SNX22: variants seen among roughly 807,000 people sequenced by gnomAD.
SNX22 encodes sorting nexin 22, also known as sorting nexin-22.
A neutral mutation model predicts 24.7 loss-of-function variants in SNX22; 23 were observed. The ratio of observed to expected loss-of-function variants is 0.93; its 90% CI spans 0.67 to 1.32. The LOEUF is 1.32. Ranked by LOEUF, SNX22 falls within the 40% of genes most tolerant of loss-of-function variation. The pLI, the probability that SNX22 is intolerant of heterozygous loss-of-function variation, is 0.00. For missense variants in SNX22, 261 were observed against 249.9 expected, an observed-to-expected ratio of 1.04 and a Z score of -0.30; for synonymous variants, 99 against 104.0, an observed-to-expected ratio of 0.95 and a Z score of 0.29.
rs1454726561 is a variant in SNX22, at chr15:64,156,712, T to G, written c.*2204T>G. 1 of 1,614,178 alleles carries G rather than the reference T, an allele frequency of 6.2e-7. No individual in the cohort carries two copies. The highest frequency in any genetic ancestry group is 1.7e-5 in the Admixed American group (1 of 60,026). On this transcript the variant is annotated 3_prime_UTR_variant, in exon 7 of 7. Coordinates refer to ENST00000325881, the MANE Select transcript of SNX22 (RefSeq NM_024798.3). This position sits in a 1 kb window ranked among gnomAD's most constrained non-coding sequence, Gnocchi z 6.4. ...AGGATTGCCCAGTAGTAGCCCTTGC[T>G]TCCACAACTCACCATGCCCTCTAGA...
Position 64,156,860 on chromosome 15 carries a change from C to T in SNX22, c.*2352C>T. On this transcript the variant is annotated 3_prime_UTR_variant, in exon 7 of 7. Coordinates refer to ENST00000325881, the MANE Select transcript of SNX22 (RefSeq NM_024798.3). This position sits in a 1 kb window ranked among gnomAD's most constrained non-coding sequence, Gnocchi z 6.4. ...TGCTCACCCAGCCAGGCCCGTAGTG[C>T]TTCAGTTTGAAGTTCTCATCGGGGA... 6.2e-7 allele frequency: 1 copy of T among 1,614,162 alleles called. No individual in the cohort carries two copies. The highest frequency in any genetic ancestry group is 8.5e-7 in the Non-Finnish European group (1 of 1,180,026).
At chr15:64,152,443 C>A in intron 2 of SNX22, 117 bp downstream of exon 2, 2 of 1,276,718 alleles carry the variant, frequency 1.6e-6, no homozygotes, top group South Asian at 1.4e-5. Flanking sequence ...CTGCCTCAGT[C>A]CCTGCGCAGC....
chr15:64,156,678 T>A lies in SNX22; in HGVS notation c.*2170T>A. On this transcript the variant is annotated 3_prime_UTR_variant, in exon 7 of 7. Coordinates refer to ENST00000325881, the MANE Select transcript of SNX22 (RefSeq NM_024798.3). The surrounding 1 kb of genome is among the most constrained non-coding windows in gnomAD (Gnocchi z 6.4). ...CTCCTGCCCTGGGGTCTGTGTTGAA[T>A]CCCCGGTGAGGATTGCCCAGTAGTA... is the stretch of plus-strand genomic sequence containing the variant. The A allele has an allele frequency of 6.2e-7, 1 of 1,609,214 alleles. No individual in the cohort carries two copies. The highest frequency in any genetic ancestry group is 8.5e-7 in the Non-Finnish European group (1 of 1,175,596).
rs558183552 is a variant in SNX22, at chr15:64,152,762, G to A, written c.264+20G>A. On this transcript the variant is annotated intron_variant, in intron 3 of 6. Coordinates refer to ENST00000325881, the MANE Select transcript of SNX22 (RefSeq NM_024798.3). Reference sequence around the variant, plus strand: ...ATCCAGGTATGCGAGAGCACAGTTGGTTGCCCCCCGGCCTTCTGTGCCAGG... The same window carrying A: ...ATCCAGGTATGCGAGAGCACAGTTGATTGCCCCCCGGCCTTCTGTGCCAGG... The A allele has an allele frequency of 2.5e-6, 4 of 1,610,360 alleles. No homozygotes were observed. The South Asian group carries it at 4.4e-5, about 18-fold the overall frequency.
In SNX22 at chr15:64,151,805, GC is replaced by G; in HGVS notation, c.33del (p.Glu12ArgfsTer82). 6.5e-7 allele frequency: 1 copy of G among 1,537,482 alleles called. No individual in the cohort carries two copies. Among genetic ancestry groups the G allele is most frequent in the Admixed American group, 2.0e-5 (1 of 50,356 alleles). On this transcript the variant is annotated frameshift_variant, in exon 1 of 7. Transcript: ENST00000325881. LOFTEE classifies it high-confidence loss of function. The stretch of plus-strand genomic sequence containing the variant: ...TGGAAGTTCACATCCCGTCGGTGGG[GC>G]CCGAGGCCGAGGGGCCCAGGCAGAG... MLEVHIPSVG[P>X]EAEGPRQSPE...
At position 64,156,628 on chromosome 15, in the gene SNX22, T is replaced by C. The variant is rs1241028637; in HGVS notation, c.*2120T>C. 4.7e-6 allele frequency: 7 copies of C among 1,480,682 alleles called. No individual in the cohort carries two copies. The highest frequency in any genetic ancestry group is 1.4e-5 in the African/African-American group (1 of 72,078). 91.7% of individuals were successfully genotyped at this position (1,480,682 alleles called of 1,614,324 possible). A position where few individuals can be genotyped will look rare whatever the true frequency, so the allele number is the denominator to read the frequency against. On this transcript the variant is annotated 3_prime_UTR_variant, in exon 7 of 7. Transcript: ENST00000325881. This position sits in a 1 kb window ranked among gnomAD's most constrained non-coding sequence, Gnocchi z 6.4. The stretch of plus-strand genomic sequence containing the variant: ...GGCTGCATCTGTGGGTTGGGTCCTT[T>C]TGGGAAAGGGATGGACACATGGAGC...
At chr15:64,153,457 C>A in intron 4 of SNX22, 118 bp downstream of exon 4, 1 of 1,545,198 alleles carries the variant, frequency 6.5e-7, no homozygotes, top group East Asian at 2.4e-5. Flanking sequence ...CCGCCCTCAC[C>A]AGCTCTCTTG....
At position 64,157,131 on chromosome 15, in the gene SNX22, G is replaced by A; in HGVS notation, c.*2623G>A. On this transcript the variant is annotated 3_prime_UTR_variant, in exon 7 of 7. Transcript: ENST00000325881. The surrounding 1 kb of genome is among the most constrained non-coding windows in gnomAD (Gnocchi z 4.2). ...TCAGGCCAGGCTGATGTGGTGAACA[G>A]CTCACAGAAGGATTACTTTGAGAAG... The A allele has an allele frequency of 3.4e-6, 2 of 592,268 alleles. No individual in the cohort carries two copies. The highest frequency in any genetic ancestry group is 2.1e-5 in the South Asian group (1 of 48,364). The allele number at this position is 592,268 out of a possible 1,614,324, so 36.7% of individuals were successfully genotyped here.
chr15:64,153,570 G>C (rs549299625), intron 4 of SNX22, 82 bp from the exon 5 acceptor site: 1 of 1,585,762 alleles, frequency 6.3e-7, no homozygotes, highest in Admixed American at 1.7e-5. Flanking sequence ...GGGAGGTGCA[G>C]TTCTGGGCTC....
chr15:64,154,350 A>T, intron 6 of SNX22, 37 bp from the exon 7 acceptor site: 1 of 1,611,746 alleles, frequency 6.2e-7, no homozygotes, highest in South Asian at 1.1e-5. Context: ...AAGGAGCTGC[A>T]GGTCTGAGGC....
chr15:64,156,681 C>T lies in SNX22; in HGVS notation c.*2173C>T, dbSNP rs1444855380. 6.2e-7 allele frequency: 1 copy of T among 1,608,682 alleles called. No homozygotes were observed. Among genetic ancestry groups the T allele is most frequent in the Non-Finnish European group, 8.5e-7 (1 of 1,175,092 alleles). On this transcript the variant is annotated 3_prime_UTR_variant, in exon 7 of 7. Transcript: ENST00000325881. This position sits in a 1 kb window ranked among gnomAD's most constrained non-coding sequence, Gnocchi z 6.4. Reference sequence around the variant, plus strand: ...CTGCCCTGGGGTCTGTGTTGAATCCCCGGTGAGGATTGCCCAGTAGTAGCC... The same window carrying T: ...CTGCCCTGGGGTCTGTGTTGAATCCTCGGTGAGGATTGCCCAGTAGTAGCC...
chr15:64,153,216 T>G (rs1283037332), intron 3 of SNX22, 29 bp from the exon 4 acceptor site: 1 of 1,613,360 alleles, frequency 6.2e-7, no homozygotes, highest in South Asian at 1.1e-5. Flanking sequence ...TAGCTGGGTC[T>G]GATTGCAGGT....
At position 64,155,869 on chromosome 15, in the gene SNX22, G is replaced by GTT. The variant is rs1255841968; in HGVS notation, c.*1363_*1364dup. 9 of 1,139,190 alleles carry GTT rather than the reference G, an allele frequency of 7.9e-6. No homozygotes were observed. The highest frequency in any genetic ancestry group is 7.7e-5 in the African/African-American group (5 of 65,236). 70.6% of individuals were successfully genotyped at this position (1,139,190 alleles called of 1,614,324 possible). On this transcript the variant is annotated 3_prime_UTR_variant, in exon 7 of 7. Coordinates refer to ENST00000325881, the MANE Select transcript of SNX22 (RefSeq NM_024798.3). ...TTTTTATTGGTCAGTGTTGGTAGGA[G>GTT]TTTGTTACAAAAGTGAGTCCATGGG... is the stretch of plus-strand genomic sequence containing the variant.
In SNX22 at chr15:64,153,981, T is replaced by C; in HGVS notation, c.439T>C (p.Tyr147His). The C allele has an allele frequency of 1.2e-6, 2 of 1,613,994 alleles. No homozygotes were observed. The highest frequency in any genetic ancestry group is 1.3e-5 in the African/African-American group (1 of 75,040). Residue 147 changes from tyrosine (Y) to histidine (H), a missense_variant, in exon 6 of 7, where the codon TAT becomes CAT. By Grantham distance (83) the Tyr-to-His change is moderately conservative (BLOSUM62 2). Transcript: ENST00000325881. Reference protein sequence around the residue: ...RPVLSFHVDPYVCNPSPESLP... With the variant: ...RPVLSFHVDPHVCNPSPESLP... ...TGTCCTGAGCTTCCATGTGGATCCC[T>C]ATGTTTGCAACCCCTCCCCAGGTGA...
chr15:64,156,014 C>T lies in SNX22; in HGVS notation c.*1506C>T. ...CAGACGGTCACTCAAAGAAAGATGTCCCTGTGCCCTACTCCTTGGCGATGG... is the reference window on the plus strand; with the variant it reads ...CAGACGGTCACTCAAAGAAAGATGTTCCTGTGCCCTACTCCTTGGCGATGG... On this transcript the variant is annotated 3_prime_UTR_variant, in exon 7 of 7. Coordinates refer to ENST00000325881, the MANE Select transcript of SNX22 (RefSeq NM_024798.3). The surrounding 1 kb of genome is among the most constrained non-coding windows in gnomAD (Gnocchi z 6.4). 1 of 1,614,176 alleles carries T rather than the reference C, an allele frequency of 6.2e-7. No individual in the cohort carries two copies. The highest frequency in any genetic ancestry group is 8.5e-7 in the Non-Finnish European group (1 of 1,180,028).
At position 64,152,276 on chromosome 15, in the gene SNX22, A is replaced by G. The variant is rs866081367; in HGVS notation, c.109A>G (p.Arg37Gly). Residue 37 changes from arginine (R) to glycine (G), a missense_variant, in exon 2 of 7, where the codon AGA becomes GGA. Arg to Gly is a moderately radical substitution (Grantham distance 125). Coordinates refer to ENST00000325881, the MANE Select transcript of SNX22 (RefSeq NM_024798.3). ...AGTGGAGGTGCTGTGCAGCGGGCGC[A>G]GACACACGGTGCCAAGGCGCTACAG... is the stretch of plus-strand genomic sequence containing the variant. ...FRVEVLCSGR[R>G]HTVPRRYSEF... 2.0e-6 allele frequency: 3 copies of G among 1,488,042 alleles called. No homozygotes were observed. Among genetic ancestry groups the G allele is most frequent in the Non-Finnish European group, 2.7e-6 (3 of 1,128,048 alleles). The allele number at this position is 1,488,042 out of a possible 1,614,324, so 92.2% of individuals were successfully genotyped here.
chr15:64,154,310 A>G, intron 6 of SNX22, 77 bp from the exon 7 acceptor site: 1 of 1,596,792 alleles, frequency 6.3e-7, no homozygotes, highest in Non-Finnish European at 8.5e-7. Flanking sequence ...CCTACTCCCA[A>G]GTGGGGGCTG....
At position 64,154,670 on chromosome 15, in the gene SNX22, G is replaced by T. The variant is rs976161688; in HGVS notation, c.*162G>T. The T allele has an allele frequency of 3.5e-6, 3 of 846,920 alleles. No individual in the cohort carries two copies. Among genetic ancestry groups the T allele is most frequent in the Non-Finnish European group, 1.8e-6 (1 of 551,320 alleles). 52.5% of individuals were successfully genotyped at this position (846,920 alleles called of 1,614,324 possible). On this transcript the variant is annotated 3_prime_UTR_variant, in exon 7 of 7. Transcript: ENST00000325881. ...CAAGGCTCAGAACTTGGCTCGCATT[G>T]GTAGCTGGAGGTGGTAGAATTTGTA...
Position 64,155,375 on chromosome 15 carries a change from A to ATAAT in SNX22, c.*868_*871dup, listed in dbSNP as rs1263903517. On this transcript the variant is annotated 3_prime_UTR_variant, in exon 7 of 7. Transcript: ENST00000325881. ...TGAAACTCCGTCTCAAAATAAATAA[A>ATAAT]TAATAAAGGAAGAAGTCAGCTGGGT... is the stretch of plus-strand genomic sequence containing the variant. 5 of 152,734 alleles carry ATAAT rather than the reference A, an allele frequency of 3.3e-5. No individual in the cohort carries two copies. In the South Asian group the frequency reaches 1.0e-3, roughly 32 times the overall value. The allele number at this position is 152,734 out of a possible 1,614,324, so 9.5% of individuals were successfully genotyped here. A position where few individuals can be genotyped will look rare whatever the true frequency, so the allele number is the denominator to read the frequency against.
Sources: gnomAD v4.1 joint callset for allele counts on GRCh38, gnomAD v4.1.1 for gene constraint, Gnocchi (gnomAD v3.1) non-coding constraint, MANE v1.5 for transcripts, NCBI Gene and HGNC (gene_info 2026-07-23, HGNC 2026-07-21) for gene names.